The following STAG2 variants were observed in gnomAD, a reference collection of about 807,000 sequenced individuals.
The protein encoded by STAG2 is STAG2 cohesin complex component, also known as cohesin subunit SA-2.
Under a neutral mutation model 108.1 loss-of-function variants are expected in STAG2, and 14 were observed. That is an observed-to-expected ratio of 0.13 (90% CI 0.09 to 0.20). STAG2 has a LOEUF of 0.20. STAG2 is among the 10% of genes least tolerant of loss of function. The pLI is 1.00. For missense variants in STAG2, 440 were observed against 940.9 expected (o/e 0.47, Z 6.96); for synonymous variants, 307 against 302.7 (o/e 1.01, Z -0.15).
At chrX:124,071,412 T>C in intron 25 of STAG2, 89 bp downstream of exon 25, 1 of 737,559 alleles carries the variant, frequency 1.4e-6, no homozygotes, top group Non-Finnish European at 1.9e-6. Flanking sequence ...CACTAAAATA[T>C]ATTTTATCCT....
rs1432732413 is a variant in STAG2, at chrX:124,031,590, G to C, written c.288+465G>C. ...TTTGTTTTTTTGTTTTTTTTGGTGGGTATTTTCAGTGGAGACGGGGTTTCA... is the reference window on the plus strand; with the variant it reads ...TTTGTTTTTTTGTTTTTTTTGGTGGCTATTTTCAGTGGAGACGGGGTTTCA... On this transcript the variant is annotated intron_variant, in intron 5 of 34. Transcript: ENST00000371145. Among the ~76,000 whole-genome samples, 3 of 106,900 alleles carry C rather than the reference G, an allele frequency of 2.8e-5. No homozygotes were observed. In the Admixed American group the frequency reaches 3.1e-4, roughly 11 times the overall value. 92.8% of individuals were successfully genotyped at this position (106,900 alleles called of 115,157 possible).
intron 3 of STAG2, among the ~76,000 whole-genome samples, 160 bp downstream of exon 3, chrX:124,022,831 GTAA>G (rs1383167365): frequency 1.8e-5 from 2 of 112,300 alleles, no homozygotes; most frequent in Admixed American, 9.5e-5. Flanking sequence ...TCAAGGCTCT[GTAA>G]TAATAATTAT....
chrX:124,050,940 A>G (rs975121782), intron 11 of STAG2, among the ~76,000 whole-genome samples, 181 bp from the exon 12 acceptor site: 1 of 112,008 alleles, frequency 8.9e-6, no homozygotes, highest in East Asian at 2.8e-4. Flanking sequence ...GTATTTAGTC[A>G]TAAATGTATG....
intron 1 of STAG2, among the ~76,000 whole-genome samples, chrX:124,001,420 C>T (rs2056037103): frequency 9.0e-6 from 1 of 111,326 alleles, no homozygotes; most frequent in African/African-American, 3.3e-5. Flanking sequence ...TTCAGTGTCT[C>T]CTAAATGTAC....
intron 1 of STAG2, among the ~76,000 whole-genome samples, chrX:123,983,660 T>TTG (rs1185878727): frequency 9.0e-6 from 1 of 111,421 alleles, no homozygotes; most frequent in African/African-American, 3.3e-5. Flanking sequence ...AATTATATAA[T>TTG]TGTATTTATC....
At position 124,064,331 on chromosome X, in the gene STAG2, A is replaced by C. The variant is rs573181792; in HGVS notation, c.2025+280A>C. Among the ~76,000 whole-genome samples the C allele has an allele frequency of 2.7e-5, 3 of 111,701 alleles. No individual in the cohort carries two copies. In the South Asian group the frequency reaches 1.1e-3, roughly 42 times the overall value. On this transcript the variant is annotated intron_variant, in intron 20 of 34. Coordinates refer to ENST00000371145, the MANE Select transcript of STAG2 (RefSeq NM_001042750.2). ...GGTTTTTATTGAACCAGGGCTGTTA[A>C]GGAATAGGGTGTTAATGGAACAGAA...
chrX:124,044,470 T>C (rs912567950), intron 7 of STAG2, among the ~76,000 whole-genome samples: 29 of 111,769 alleles, frequency 2.6e-4, no homozygotes, highest in Admixed American at 1.8e-3. Context: ...ACCTTACATC[T>C]CTAGGATACT....
intron 29 of STAG2, among the ~76,000 whole-genome samples, chrX:124,084,168 G>T (rs888519871): frequency 9.0e-6 from 1 of 111,555 alleles, no homozygotes; most frequent in Non-Finnish European, 1.9e-5. Flanking sequence ...ACCTCATATT[G>T]TAAATAATCT....
chrX:124,021,539 A>T (rs2056925678), intron 2 of STAG2, 108 bp downstream of exon 2: 1 of 112,152 alleles, frequency 8.9e-6, no homozygotes, highest in Admixed American at 9.5e-5. Context: ...TTGACTTTCA[A>T]AACATAGACA....
intron 30 of STAG2, 138 bp downstream of exon 30, chrX:124,086,908 G>C: frequency 3.8e-6 from 2 of 533,065 alleles, no homozygotes. Context: ...TAAACATGCT[G>C]TTGTAGGCAT....
intron 1 of STAG2, among the ~76,000 whole-genome samples, chrX:124,014,694 T>C (rs377079688): frequency 1.2e-4 from 13 of 110,994 alleles, no homozygotes; most frequent in African/African-American, 4.3e-4. Flanking sequence ...TTTGTAAATA[T>C]AGATTTCCTA....
At chrX:123,967,714 A>G (rs766114244) in intron 1 of STAG2, among the ~76,000 whole-genome samples, 1 of 111,346 alleles carries the variant, frequency 9.0e-6, no homozygotes, top group East Asian at 2.8e-4. Flanking sequence ...TCTATGCCAT[A>G]TGGTATGACC....
intron 4 of STAG2, 70 bp downstream of exon 4, chrX:124,025,988 T>A: frequency 1.2e-6 from 1 of 808,822 alleles, no homozygotes; most frequent in Non-Finnish European, 1.8e-6. Flanking sequence ...AAGTTATGTC[T>A]CAGATAGTTT....
At chrX:124,000,755 T>C (rs1466916313) in intron 1 of STAG2, among the ~76,000 whole-genome samples, 1 of 111,629 alleles carries the variant, frequency 9.0e-6, no homozygotes, top group African/African-American at 3.3e-5. Flanking sequence ...AAGGCACTGT[T>C]ATGACAGATG....
At chrX:124,097,057 C>T (rs6655784) in intron 34 of STAG2, among the ~76,000 whole-genome samples, 16,963 of 108,101 alleles carry the variant, frequency 0.16, 1,147 homozygotes, top group South Asian at 0.37. Context: ...TGCATACCTG[C>T]GGTCCCAGCT....
Position 123,999,917 on chromosome X carries a change from GT to G in STAG2, c.-162-21435del, listed in dbSNP as rs1227997327. The stretch of plus-strand genomic sequence containing the variant: ...CTGTGAGCCACCCTGCCCGGCCATA[GT>G]TTTTTTTTTTTTTTATTTTTTGTAG... On this transcript the variant is annotated intron_variant, in intron 1 of 34. Coordinates refer to ENST00000371145, the MANE Select transcript of STAG2 (RefSeq NM_001042750.2). Among the ~76,000 whole-genome samples the G allele has an allele frequency of 2.7e-3, 270 of 101,885 alleles. 2 individuals carry two copies. Among genetic ancestry groups the G allele is most frequent in the African/African-American group, 7.8e-3 (219 of 27,958 alleles). The allele number at this position is 101,885 out of a possible 115,157, so 88.5% of individuals were successfully genotyped here.
At chrX:123,974,794 G>C (rs2054545886) in intron 1 of STAG2, among the ~76,000 whole-genome samples, 1 of 104,870 alleles carries the variant, frequency 9.5e-6, no homozygotes, top group East Asian at 3.1e-4. Context: ...TGTGAGGCTG[G>C]TCTCGAACTC....
At chrX:124,019,537 A>G (rs932251659) in intron 1 of STAG2, among the ~76,000 whole-genome samples, 9 of 111,785 alleles carry the variant, frequency 8.1e-5, no homozygotes, top group Non-Finnish European at 1.7e-4. Flanking sequence ...ATGAATTTTC[A>G]ACATTTAGAG....
intron 34 of STAG2, chrX:124,097,625 T>A: frequency 3.4e-6 from 1 of 292,281 alleles, no homozygotes; most frequent in South Asian, 3.0e-5. Context: ...TAGCTGAGAG[T>A]TTGGGTGACA....
Sources: gnomAD v4.1 joint callset for allele counts (sites outside exome capture counted in the v4.1 genomes callset) on GRCh38, gnomAD v4.1.1 for gene constraint, MANE v1.5 for transcripts, NCBI Gene and HGNC (gene_info 2026-07-23, HGNC 2026-07-21) for gene names.